Variants in RRAD observed in about 807,000 individuals in gnomAD.
The protein encoded by RRAD is GTP-binding protein RAD.
A neutral mutation model predicts 24.7 loss-of-function variants in RRAD; 15 were observed. The observed-to-expected ratio is 0.61, with a 90% CI of 0.41 to 0.93. The LOEUF is 0.93. Ranked by LOEUF, RRAD falls within the 40% of genes least tolerant of loss-of-function variation. RRAD has a pLI of 0.00. For synonymous variants in RRAD, 180 were observed against 189.8 expected, an observed-to-expected ratio of 0.95 and a Z score of 0.43; for missense variants, 438 against 452.2, an observed-to-expected ratio of 0.97 and a Z score of 0.29.
chr16:66,922,037 C>A lies in RRAD; in HGVS notation c.*39G>T. The A allele has an allele frequency of 6.4e-7, 1 of 1,571,344 alleles. No homozygotes were observed. Among genetic ancestry groups the A allele is most frequent in the Non-Finnish European group, 8.7e-7 (1 of 1,149,920 alleles). Reference sequence around the variant, plus strand: ...AGTTGGCTGGGCCAGCCCACCAACCCTTCCGTTCGTCTCCCACCATAGTGG... The same window carrying A: ...AGTTGGCTGGGCCAGCCCACCAACCATTCCGTTCGTCTCCCACCATAGTGG... On this transcript the variant is annotated 3_prime_UTR_variant, in exon 5 of 5. Coordinates refer to ENST00000299759, the MANE Select transcript of RRAD (RefSeq NM_004165.3).
At position 66,923,603 on chromosome 16, in the gene RRAD, G is replaced by A. The variant is rs768941924; in HGVS notation, c.562C>T (p.Arg188Trp). ...EKASELRVQL[R>W]RARQTDDVPI... Reference sequence around the variant, plus strand: ...ACATCATCTGTTTGCCGTGCACGCCGCAGCTGGACCCGCAGTTCTGAGGCC... The same window carrying A: ...ACATCATCTGTTTGCCGTGCACGCCACAGCTGGACCCGCAGTTCTGAGGCC... Residue 188 changes from arginine to tryptophan, a missense_variant, in exon 4 of 5, where the codon CGG becomes TGG. Coordinates refer to ENST00000299759, the MANE Select transcript of RRAD (RefSeq NM_004165.3). This position sits in a 1 kb window ranked among gnomAD's most constrained non-coding sequence, Gnocchi z 4.9. 19 of 1,613,510 alleles carry A rather than the reference G, an allele frequency of 1.2e-5. No homozygotes were observed. Among genetic ancestry groups the A allele is most frequent in the African/African-American group, 2.7e-5 (2 of 74,776 alleles).
In RRAD at chr16:66,924,738, T is replaced by G; in HGVS notation, c.370+72A>C. On this transcript the variant is annotated intron_variant, in intron 2 of 4. Transcript: ENST00000299759. The surrounding 1 kb of genome is among the most constrained non-coding windows in gnomAD (Gnocchi z 4.2). ...ACTATAATTCCACGGTATTTGCGGC[T>G]TTGAGTACCGGTCTCAGCCCCTAGT... 1 of 1,240,602 alleles carries G rather than the reference T, an allele frequency of 8.1e-7. No individual in the cohort carries two copies. Among genetic ancestry groups the G allele is most frequent in the Non-Finnish European group, 1.0e-6 (1 of 959,720 alleles). The allele number at this position is 1,240,602 out of a possible 1,614,324, so 76.8% of individuals were successfully genotyped here.
At position 66,923,575 on chromosome 16, in the gene RRAD, G is replaced by C; in HGVS notation, c.590C>G (p.Pro197Arg). The C allele has an allele frequency of 6.2e-7, 1 of 1,612,410 alleles. No homozygotes were observed. The highest frequency in any genetic ancestry group is 8.5e-7 in the Non-Finnish European group (1 of 1,179,890). ...LRRARQTDDV[P>R]IILVGNKSDL... ...GCTCTTGTTGCCCACGAGGATGATG[G>C]GCACATCATCTGTTTGCCGTGCACG... Residue 197 changes from proline (P) to arginine (R), a missense_variant, in exon 4 of 5, where the codon CCC becomes CGC. By Grantham distance (103) the Pro-to-Arg change is moderately radical. Transcript: ENST00000299759. This position sits in a 1 kb window ranked among gnomAD's most constrained non-coding sequence, Gnocchi z 4.9.
chr16:66,925,312 C>G lies in RRAD; in HGVS notation c.-16+97G>C, dbSNP rs1246379035. 6.4e-6 allele frequency: 6 copies of G among 931,910 alleles called. No homozygotes were observed. Among genetic ancestry groups the G allele is most frequent in the Non-Finnish European group, 8.3e-6 (6 of 724,558 alleles). 57.7% of individuals were successfully genotyped at this position (931,910 alleles called of 1,614,324 possible). Reference sequence around the variant, plus strand: ...CGGCCGAGGTCCCGCCGCAGCCCTCCCCCAGCCCCCAGGTCGCGGCGCCCT... The same window carrying G: ...CGGCCGAGGTCCCGCCGCAGCCCTCGCCCAGCCCCCAGGTCGCGGCGCCCT... On this transcript the variant is annotated intron_variant, in intron 1 of 4. Coordinates refer to ENST00000299759, the MANE Select transcript of RRAD (RefSeq NM_004165.3). This position sits in a 1 kb window ranked among gnomAD's most constrained non-coding sequence, Gnocchi z 5.2.
rs765000777 is a variant in RRAD at position 66,922,145 on chromosome 16, T to C, written c.858A>G (p.Val286=). The C allele has an allele frequency of 6.2e-7, 1 of 1,613,928 alleles. No homozygotes were observed. The highest frequency in any genetic ancestry group is 1.7e-5 in the Admixed American group (1 of 60,026). The change falls in exon 5 of 5, where the codon GTA becomes GTG. Residue 286 remains valine, a synonymous_variant. Coordinates refer to ENST00000299759, the MANE Select transcript of RRAD (RefSeq NM_004165.3). ...AGGCCATCTTGCGGCTGTTACGAGC[T>C]ACGATGCGGCCCAAGAAGCGCTTCG... is the stretch of plus-strand genomic sequence containing the variant. ...KKAKRFLGRI[V]ARNSRKMAFR...
Position 66,922,065 on chromosome 16 carries a change from G to A in RRAD, c.*11C>T. On this transcript the variant is annotated 3_prime_UTR_variant, in exon 5 of 5. Coordinates refer to ENST00000299759, the MANE Select transcript of RRAD (RefSeq NM_004165.3). The stretch of plus-strand genomic sequence containing the variant: ...CCGTTCGTCTCCCACCATAGTGGGA[G>A]CGGGTGGGACCTAGAGAACCGAGAG... 6.3e-7 allele frequency: 1 copy of A among 1,597,646 alleles called. No individual in the cohort carries two copies. The highest frequency in any genetic ancestry group is 8.6e-7 in the Non-Finnish European group (1 of 1,166,388).
At position 66,924,982 on chromosome 16, in the gene RRAD, C is replaced by G. The variant is rs1962974894; in HGVS notation, c.198G>C (p.Gln66His). The change falls in exon 2 of 5, where the codon CAG becomes CAC. Residue 66 changes from glutamine to histidine, a missense_variant. Transcript: ENST00000299759. The surrounding 1 kb of genome is among the most constrained non-coding windows in gnomAD (Gnocchi z 4.2). Reference sequence around the variant, plus strand: ...CCTCGGGCCAGTCCAGCCTGGGACCCTGGGTCCCCGTCCCGGCCGCGGCCG... The same window carrying G: ...CCTCGGGCCAGTCCAGCCTGGGACCGTGGGTCCCCGTCCCGGCCGCGGCCG... ...LTAAAAGTGT[Q>H]GPRLDWPEDS... 2 of 1,460,036 alleles carry G rather than the reference C, an allele frequency of 1.4e-6. No homozygotes were observed. The highest frequency in any genetic ancestry group is 1.8e-6 in the Non-Finnish European group (2 of 1,104,308). 90.4% of individuals were successfully genotyped at this position (1,460,036 alleles called of 1,614,324 possible).
chr16:66,925,049 T>C lies in RRAD; in HGVS notation c.131A>G (p.Glu44Gly). The C allele has an allele frequency of 7.5e-7, 1 of 1,330,208 alleles. No homozygotes were observed. The allele number at this position is 1,330,208 out of a possible 1,614,324, so 82.4% of individuals were successfully genotyped here. The change falls in exon 2 of 5, where the codon GAG becomes GGG. Residue 44 changes from glutamate to glycine, a missense_variant. Glu to Gly is a moderately conservative substitution (Grantham distance 98). Coordinates refer to ENST00000299759, the MANE Select transcript of RRAD (RefSeq NM_004165.3). The surrounding 1 kb of genome is among the most constrained non-coding windows in gnomAD (Gnocchi z 5.2). ...PLHRRSMPVD[E>G]RDLQAALTPG... is the part of the protein sequence containing the mutation. ...GGTCAGCGCCGCCTGCAGGTCGCGC[T>C]CGTCCACCGGCATGCTGCGGCGGTG...
In RRAD at chr16:66,922,313, A is replaced by G. The variant is rs751372336; in HGVS notation, c.690T>C (p.Ile230=). The G allele has an allele frequency of 2.5e-6, 4 of 1,606,692 alleles. No homozygotes were observed. Among genetic ancestry groups the G allele is most frequent in the South Asian group, 1.1e-5 (1 of 90,986 alleles). ...ACAVVFDCKF[I]ETSAALHHNV... is the part of the protein sequence containing the mutation. ...TGTGGTGCAATGCCGCTGATGTCTC[A>G]ATGAACTTGCAGTCAAAGACCACCG... Residue 230 remains isoleucine, a synonymous_variant, in exon 5 of 5, where the codon ATT becomes ATC. Coordinates refer to ENST00000299759, the MANE Select transcript of RRAD (RefSeq NM_004165.3).
rs1330984051 is a variant in RRAD at position 66,921,828 on chromosome 16, G to A, written c.*248C>T. Reference sequence around the variant, plus strand: ...GCACGCAGGCCTGCCCGGCGGCTGCGCTGCGGCTGCTTGGGACGCATATGA... The same window carrying A: ...GCACGCAGGCCTGCCCGGCGGCTGCACTGCGGCTGCTTGGGACGCATATGA... On this transcript the variant is annotated 3_prime_UTR_variant, in exon 5 of 5. Transcript: ENST00000299759. 1.1e-5 allele frequency: 5 copies of A among 439,562 alleles called. No individual in the cohort carries two copies. The highest frequency in any genetic ancestry group is 2.0e-5 in the Non-Finnish European group (5 of 248,324). The allele number at this position is 439,562 out of a possible 1,614,324, so 27.2% of individuals were successfully genotyped here. A position where few individuals can be genotyped will look rare whatever the true frequency, so the allele number is the denominator to read the frequency against.
Position 66,922,209 on chromosome 16 carries a change from T to G in RRAD, c.794A>C (p.Gln265Pro). ...GCTCTCTCGCCTCCGGGTGCCTGCT[T>G]GCCGTCGTGCGTTGGCTTCTTTGCT... is the stretch of plus-strand genomic sequence containing the variant. The part of the protein sequence containing the change: ...RDSKEANARR[Q>P]AGTRRRESLG... Residue 265 changes from glutamine (Q) to proline (P), a missense_variant, in exon 5 of 5, where the codon CAA becomes CCA. Transcript: ENST00000299759. 3.7e-6 allele frequency: 6 copies of G among 1,614,240 alleles called. No individual in the cohort carries two copies. The highest frequency in any genetic ancestry group is 5.1e-6 in the Non-Finnish European group (6 of 1,180,022).
At position 66,924,653 on chromosome 16, in the gene RRAD, G is replaced by A. The variant is rs1962965873; in HGVS notation, c.370+157C>T. ...TGCACTCCAGCCTGGGAAAAAGAGC[G>A]AAACTCTGTCTCAAAATAATAATAA... On this transcript the variant is annotated intron_variant, in intron 2 of 4. Coordinates refer to ENST00000299759, the MANE Select transcript of RRAD (RefSeq NM_004165.3). This position sits in a 1 kb window ranked among gnomAD's most constrained non-coding sequence, Gnocchi z 4.2. Among the ~76,000 whole-genome samples, 1 of 147,976 alleles carries A rather than the reference G, an allele frequency of 6.8e-6. No homozygotes were observed. The highest frequency in any genetic ancestry group is 1.5e-5 in the Non-Finnish European group (1 of 66,676).
Position 66,922,090 on chromosome 16 carries a change from G to C in RRAD, c.913C>G (p.Leu305Val). 1.2e-6 allele frequency: 2 copies of C among 1,607,584 alleles called. No homozygotes were observed. Among genetic ancestry groups the C allele is most frequent in the Non-Finnish European group, 1.7e-6 (2 of 1,174,346 alleles). Residue 305 changes from leucine to valine, a missense_variant, in exon 5 of 5, where the codon CTC becomes GTC. Transcript: ENST00000299759. Reference protein sequence around the residue: ...FRAKSKSCHDLSVL With the variant: ...FRAKSKSCHDVSVL ...GCGGGTGGGACCTAGAGAACCGAGA[G>C]GTCGTGGCAGGACTTGGATTTGGCG...
In RRAD at chr16:66,923,207, G is replaced by A. The variant is rs533687080; in HGVS notation, c.649+309C>T. ...CCTAGCACACAGGCTCTGACCTCCT[G>A]GCCTGTTCCCCTACACTCTCTTCCA... On this transcript the variant is annotated intron_variant, in intron 4 of 4. Transcript: ENST00000299759. The surrounding 1 kb of genome is among the most constrained non-coding windows in gnomAD (Gnocchi z 4.9). Among the ~76,000 whole-genome samples the A allele has an allele frequency of 6.6e-6, 1 of 151,988 alleles. No individual in the cohort carries two copies. The highest frequency in any genetic ancestry group is 2.1e-4 in the South Asian group (1 of 4,804).
chr16:66,922,522 AC>A (rs1962930597), intron 4 of RRAD, among the ~76,000 whole-genome samples, 169 bp from the exon 5 acceptor site: 1 of 152,164 alleles, frequency 6.6e-6, no homozygotes, highest in Admixed American at 6.5e-5. Flanking sequence ...CTGCTGCGTC[AC>A]CCAGTAGGCA....
At position 66,925,395 on chromosome 16, in the gene RRAD, G is replaced by T. The variant is rs779899698; in HGVS notation, c.-16+14C>A. The T allele has an allele frequency of 1.4e-5, 5 of 366,660 alleles. No homozygotes were observed. Among genetic ancestry groups the T allele is most frequent in the East Asian group, 1.2e-4 (3 of 24,080 alleles). The allele number at this position is 366,660 out of a possible 1,614,324, so 22.7% of individuals were successfully genotyped here. A position where few individuals can be genotyped will look rare whatever the true frequency, so the allele number is the denominator to read the frequency against. On this transcript the variant is annotated intron_variant, in intron 1 of 4. Transcript: ENST00000299759. The surrounding 1 kb of genome is among the most constrained non-coding windows in gnomAD (Gnocchi z 5.2). ...TCTGCAGCCGCCCCGACCCCGCTCC[G>T]CCAGGACACTCACCCACTCGCACAC...
chr16:66,925,050 C>G lies in RRAD; in HGVS notation c.130G>C (p.Glu44Gln). The change falls in exon 2 of 5, where the codon GAG becomes CAG. Residue 44 changes from glutamate (E) to glutamine (Q), a missense_variant. Glu to Gln is a conservative substitution (Grantham distance 29). Coordinates refer to ENST00000299759, the MANE Select transcript of RRAD (RefSeq NM_004165.3). This position sits in a 1 kb window ranked among gnomAD's most constrained non-coding sequence, Gnocchi z 5.2. Reference protein sequence around the residue: ...PLHRRSMPVDERDLQAALTPG... With the variant: ...PLHRRSMPVDQRDLQAALTPG... ...GTCAGCGCCGCCTGCAGGTCGCGCT[C>G]GTCCACCGGCATGCTGCGGCGGTGC... 7.6e-7 allele frequency: 1 copy of G among 1,324,352 alleles called. No homozygotes were observed. Among genetic ancestry groups the G allele is most frequent in the Non-Finnish European group, 9.6e-7 (1 of 1,037,066 alleles). 82.0% of individuals were successfully genotyped at this position (1,324,352 alleles called of 1,614,324 possible).
Position 66,924,821 on chromosome 16 carries a change from G to A in RRAD, c.359C>T (p.Ala120Val), listed in dbSNP as rs1962969543. 1.3e-6 allele frequency: 2 copies of A among 1,572,300 alleles called. No homozygotes were observed. Among genetic ancestry groups the A allele is most frequent in the African/African-American group, 2.7e-5 (2 of 74,148 alleles). Residue 120 changes from alanine (A) to valine (V), a missense_variant, in exon 2 of 5, where the codon GCA (alanine) becomes GTA (valine). Coordinates refer to ENST00000299759, the MANE Select transcript of RRAD (RefSeq NM_004165.3). The surrounding 1 kb of genome is among the most constrained non-coding windows in gnomAD (Gnocchi z 4.2). Reference protein sequence around the residue: ...IFGGVEDGPEAEAAGHTYDRS... With the variant: ...IFGGVEDGPEVEAAGHTYDRS... ...CTGGGTCCCCTCACCTGCTGCCTCT[G>A]CTTCAGGCCCGTCCTCCACACCGCC... is the stretch of plus-strand genomic sequence containing the variant.
Position 66,921,765 on chromosome 16 carries a change from C to A in RRAD, c.*311G>T. On this transcript the variant is annotated 3_prime_UTR_variant, in exon 5 of 5. Coordinates refer to ENST00000299759, the MANE Select transcript of RRAD (RefSeq NM_004165.3). Reference sequence around the variant, plus strand: ...CTGAAGAGCCTCCCTCCAGGGCAGGCACACCCGGGCTGTGAAAAAAGGCAG... The same window carrying A: ...CTGAAGAGCCTCCCTCCAGGGCAGGAACACCCGGGCTGTGAAAAAAGGCAG... 3.1e-6 allele frequency: 1 copy of A among 327,724 alleles called. No individual in the cohort carries two copies. The highest frequency in any genetic ancestry group is 4.8e-5 in the Admixed American group (1 of 20,726). 20.3% of individuals were successfully genotyped at this position (327,724 alleles called of 1,614,324 possible). A position where few individuals can be genotyped will look rare whatever the true frequency, so the allele number is the denominator to read the frequency against.
Sources: allele counts gnomAD v4.1 joint callset (sites outside exome capture counted in the v4.1 genomes callset), GRCh38; gene constraint gnomAD v4.1.1; non-coding constraint Gnocchi (gnomAD v3.1); transcripts MANE v1.5; gene names NCBI Gene and HGNC (gene_info 2026-07-23, HGNC 2026-07-21).